Variants in NUCKS1 observed in about 807,000 individuals in gnomAD.
NUCKS1 encodes nuclear ubiquitous casein and cyclin-dependent kinase substrate 1.
In NUCKS1, 2 loss-of-function variants were observed where a neutral mutation model predicts 33.0. That is an observed-to-expected ratio of 0.06 (90% CI 0.02 to 0.19). The LOEUF (loss-of-function observed/expected upper bound fraction) is 0.19. Among genes scored for constraint, NUCKS1 ranks in the 10% least tolerant of loss-of-function variants. The pLI is 1.00. For synonymous variants in NUCKS1, 106 were observed against 102.8 expected (o/e 1.03, Z -0.19); for missense variants, 201 against 293.6 (o/e 0.68, Z 2.31).
In NUCKS1 at chr1:205,715,947, A is replaced by G. The variant is rs1011455713; in HGVS notation, c.*2333T>C. The G allele has an allele frequency of 1.3e-5, 2 of 152,200 alleles. No individual in the cohort carries two copies. Among genetic ancestry groups the G allele is most frequent in the Admixed American group, 6.6e-5 (1 of 15,266 alleles). 9.4% of individuals were successfully genotyped at this position (152,200 alleles called of 1,614,324 possible). ...TTTGCATGCATGATTTGAGGGGAAGACTAGAGTGTTTTAAATCATCAATAA... is the reference window on the plus strand; with the variant it reads ...TTTGCATGCATGATTTGAGGGGAAGGCTAGAGTGTTTTAAATCATCAATAA... On this transcript the variant is annotated 3_prime_UTR_variant, in exon 7 of 7. Coordinates refer to ENST00000367142, the MANE Select transcript of NUCKS1 (RefSeq NM_022731.5).
At position 205,749,984 on chromosome 1, in the gene NUCKS1, G is replaced by A. The variant is rs759656148; in HGVS notation, c.-11C>T. The A allele has an allele frequency of 6.9e-6, 11 of 1,599,816 alleles. No individual in the cohort carries two copies. The highest frequency in any genetic ancestry group is 4.1e-5 in the African/African-American group (3 of 73,456). On this transcript the variant is annotated 5_prime_UTR_variant, in exon 1 of 7. Transcript: ENST00000367142. ...GACAGGCCGCGACATGTTCGCTGTC[G>A]AAACAGGACCGAGTCGAGAAGCCAA...
chr1:205,719,997 A>G (rs958675215), intron 5 of NUCKS1, among the ~76,000 whole-genome samples: 2 of 152,256 alleles, frequency 1.3e-5, no homozygotes, highest in Non-Finnish European at 2.9e-5. Context: ...TCCAAGTAGT[A>G]CTGGTTGAGA....
intron 4 of NUCKS1, among the ~76,000 whole-genome samples, chr1:205,721,846 G>A (rs1003967114): frequency 6.6e-6 from 1 of 151,216 alleles, no homozygotes; most frequent in Non-Finnish European, 1.5e-5. Flanking sequence ...GGCTAATTTT[G>A]TATTTTTAGT....
chr1:205,745,897 GAAAATGAAAACATTTTAAACATTT>G (rs1369669170), intron 1 of NUCKS1, among the ~76,000 whole-genome samples: 2 of 152,146 alleles, frequency 1.3e-5, no homozygotes, highest in African/African-American at 4.8e-5. Flanking sequence ...AATGTTTGTT[GAAAATGAAAACATTTTAAACATTT>G]AAAATGAAAA....
intron 1 of NUCKS1, among the ~76,000 whole-genome samples, chr1:205,741,040 G>A (rs186886386): frequency 3.3e-4 from 50 of 151,668 alleles, no homozygotes; most frequent in African/African-American, 9.9e-4. Context: ...GGTGGCTCAC[G>A]CCTGTAATCC....
intron 1 of NUCKS1, among the ~76,000 whole-genome samples, chr1:205,744,317 C>A (rs1252455561): frequency 1.3e-5 from 2 of 152,124 alleles, no homozygotes; most frequent in African/African-American, 4.8e-5. Context: ...TTTATCCTAA[C>A]CTCAGGCCTA....
intron 1 of NUCKS1, among the ~76,000 whole-genome samples, chr1:205,745,669 G>C (rs1004006824): frequency 6.6e-6 from 1 of 151,964 alleles, no homozygotes; most frequent in Non-Finnish European, 1.5e-5. Flanking sequence ...TGAATACTAG[G>C]CAAGAAAGAT....
In NUCKS1 at chr1:205,749,864, G is replaced by A. The variant is rs867689721; in HGVS notation, c.17+93C>T. 49 of 1,363,976 alleles carry A rather than the reference G, an allele frequency of 3.6e-5. 1 individual carries two copies. Among genetic ancestry groups the A allele is most frequent in the African/African-American group, 2.8e-4 (19 of 68,736 alleles). 84.5% of individuals were successfully genotyped at this position (1,363,976 alleles called of 1,614,324 possible). On this transcript the variant is annotated intron_variant, in intron 1 of 6. Transcript: ENST00000367142. ...GGGAGGAGGCCGCGCGCGGCACCGGGGATGGCGGACTCTAGCCTTCTGTCC... is the reference window on the plus strand; with the variant it reads ...GGGAGGAGGCCGCGCGCGGCACCGGAGATGGCGGACTCTAGCCTTCTGTCC...
chr1:205,750,037 C>G lies in NUCKS1; in HGVS notation c.-64G>C. The G allele has an allele frequency of 9.5e-7, 1 of 1,056,662 alleles. No homozygotes were observed. The highest frequency in any genetic ancestry group is 1.7e-5 in the South Asian group (1 of 58,390). The allele number at this position is 1,056,662 out of a possible 1,614,324, so 65.5% of individuals were successfully genotyped here. A position where few individuals can be genotyped will look rare whatever the true frequency, so the allele number is the denominator to read the frequency against. On this transcript the variant is annotated 5_prime_UTR_variant, in exon 1 of 7. Coordinates refer to ENST00000367142, the MANE Select transcript of NUCKS1 (RefSeq NM_022731.5). ...ACCAGGACCCCCCCCACCCCGCGCG[C>G]TCGGCGCCCCACCCCCCCCGAACTT...
chr1:205,745,065 G>A (rs1654283861), intron 1 of NUCKS1, among the ~76,000 whole-genome samples: 1 of 152,022 alleles, frequency 6.6e-6, no homozygotes, highest in South Asian at 2.1e-4. Context: ...ACCACATATG[G>A]CCCCAATGGT....
chr1:205,723,547 C>T (rs1558050347), intron 4 of NUCKS1, among the ~76,000 whole-genome samples: 1 of 152,008 alleles, frequency 6.6e-6, no homozygotes, highest in Non-Finnish European at 1.5e-5. Context: ...CCTTTTTATG[C>T]CCCTATTTTA....
intron 5 of NUCKS1, among the ~76,000 whole-genome samples, chr1:205,719,964 T>C (rs1332762317): frequency 6.6e-6 from 1 of 152,194 alleles, no homozygotes; most frequent in Non-Finnish European, 1.5e-5. Context: ...AACTATCAAA[T>C]AACTTTTGGT....
intron 1 of NUCKS1, among the ~76,000 whole-genome samples, chr1:205,735,112 T>A (rs535985135): frequency 6.6e-6 from 1 of 152,306 alleles, no homozygotes; most frequent in South Asian, 2.1e-4. Flanking sequence ...GAGGTTCTAT[T>A]TCTAGGTGAA....
At chr1:205,746,189 T>C (rs970758444) in intron 1 of NUCKS1, among the ~76,000 whole-genome samples, 2 of 151,896 alleles carry the variant, frequency 1.3e-5, no homozygotes, top group African/African-American at 4.8e-5. Flanking sequence ...CCAGCTACTC[T>C]GAGGCTGAGG....
At chr1:205,733,432 T>C (rs1653962308) in intron 1 of NUCKS1, among the ~76,000 whole-genome samples, 1 of 152,152 alleles carries the variant, frequency 6.6e-6, no homozygotes, top group East Asian at 1.9e-4. Flanking sequence ...TTCCTTACTC[T>C]ATCACTAGAA....
chr1:205,725,700 C>CT (rs2102434131), intron 3 of NUCKS1, among the ~76,000 whole-genome samples: 1 of 152,208 alleles, frequency 6.6e-6, no homozygotes, highest in African/African-American at 2.4e-5. Context: ...AATAAATACA[C>CT]AAGGCATACA....
chr1:205,721,385 T>C (rs1371349065), intron 4 of NUCKS1, among the ~76,000 whole-genome samples: 1 of 152,222 alleles, frequency 6.6e-6, no homozygotes, highest in Non-Finnish European at 1.5e-5. Flanking sequence ...CAAGGGAATG[T>C]AATTTTAAGC....
At chr1:205,721,097 C>A (rs1190392344) in intron 4 of NUCKS1, among the ~76,000 whole-genome samples, 1 of 128,894 alleles carries the variant, frequency 7.8e-6, no homozygotes, top group Non-Finnish European at 1.7e-5. Context: ...ACAACACACA[C>A]TGGGGCCTGT....
chr1:205,749,415 G>C (rs1287874301), intron 1 of NUCKS1, among the ~76,000 whole-genome samples: 4 of 152,350 alleles, frequency 2.6e-5, no homozygotes, highest in South Asian at 2.1e-4. Context: ...CAGAGGCGGG[G>C]CCGGTTGGCA....
Sources: allele counts gnomAD v4.1 joint callset (sites outside exome capture counted in the v4.1 genomes callset), GRCh38; gene constraint gnomAD v4.1.1; transcripts MANE v1.5; gene names NCBI Gene and HGNC (gene_info 2026-07-23, HGNC 2026-07-21).